The following KPNA6 variants were observed in gnomAD, a reference collection of about 807,000 sequenced individuals.
KPNA6 encodes karyopherin subunit alpha 6.
KPNA6 carries 9 observed loss-of-function variants against 72.0 expected under a neutral mutation model. The observed-to-expected ratio is 0.13, with a 90% CI of 0.08 to 0.22. The LOEUF is 0.22. Ranked by LOEUF, KPNA6 falls within the 10% of genes least tolerant of loss-of-function variation. KPNA6 has a pLI of 1.00. For missense variants in KPNA6, 374 were observed against 655.7 expected, an observed-to-expected ratio of 0.57 and a Z score of 4.69; for synonymous variants, 219 against 242.1, an observed-to-expected ratio of 0.90 and a Z score of 0.89.
rs71006334 is a variant in KPNA6 at position 32,141,375 on chromosome 1, C to CTTTTTTTTTTTTTTTTTTTTT, written c.5-13193_5-13173dup. ...AGGGCTTTTTTTTTTTAAGTTAATC[C>CTTTTTTTTTTTTTTTTTTTTT]TTTTTTTTTTTTTTTTTTTTTTTTT... On this transcript the variant is annotated intron_variant, in intron 1 of 13. Transcript: ENST00000373625. Among the ~76,000 whole-genome samples the CTTTTTTTTTTTTTTTTTTTTT allele has an allele frequency of 2.9e-4, 16 of 54,476 alleles. 6 individuals are homozygous for CTTTTTTTTTTTTTTTTTTTTT. Among genetic ancestry groups the CTTTTTTTTTTTTTTTTTTTTT allele is most frequent in the Middle Eastern group, 0.018 (1 of 56 alleles). The allele number at this position is 54,476 out of a possible 152,430, so 35.7% of individuals were successfully genotyped here. A position where few individuals can be genotyped will look rare whatever the true frequency, so the allele number is the denominator to read the frequency against.
rs1203773146 is a variant in KPNA6, at chr1:32,173,333, G to C, written c.*2439G>C. On this transcript the variant is annotated 3_prime_UTR_variant, in exon 14 of 14. Transcript: ENST00000373625. ...AGTGTAAGACATACACATCCTGCTT[G>C]TCCAGCTGTTCCTCCAAAATCTACT... The C allele has an allele frequency of 2.6e-6, 1 of 381,382 alleles. No individual in the cohort carries two copies. The highest frequency in any genetic ancestry group is 2.1e-5 in the African/African-American group (1 of 48,324). The allele number at this position is 381,382 out of a possible 1,614,324, so 23.6% of individuals were successfully genotyped here. A position where few individuals can be genotyped will look rare whatever the true frequency, so the allele number is the denominator to read the frequency against.
intron 2 of KPNA6, among the ~76,000 whole-genome samples, chr1:32,155,136 A>C (rs1311774301): frequency 7.3e-5 from 11 of 150,496 alleles, no homozygotes; most frequent in Non-Finnish European, 1.0e-4. Flanking sequence ...AAAAAAAAGA[A>C]AAGTAGCTTA....
At chr1:32,155,447 G>A (rs534237495) in intron 2 of KPNA6, among the ~76,000 whole-genome samples, 1 of 148,944 alleles carries the variant, frequency 6.7e-6, no homozygotes, top group African/African-American at 2.5e-5. Flanking sequence ...TTAGCCTCCC[G>A]AGTAGCTAGG....
intron 1 of KPNA6, among the ~76,000 whole-genome samples, chr1:32,129,514 G>A (rs16834892): frequency 0.093 from 14,185 of 151,746 alleles, 879 homozygotes; most frequent in South Asian, 0.25. Flanking sequence ...CTGCATATTA[G>A]TATTTGTATC....
At chr1:32,169,719 CAA>C (rs931996423) in intron 12 of KPNA6, among the ~76,000 whole-genome samples, 161 bp from the exon 13 acceptor site, 1 of 151,756 alleles carries the variant, frequency 6.6e-6, no homozygotes, top group African/African-American at 2.4e-5. Context: ...CTCAGCCTCC[CAA>C]AGTGCTGGGA....
intron 1 of KPNA6, among the ~76,000 whole-genome samples, chr1:32,109,923 G>A (rs892993343): frequency 5.3e-5 from 8 of 152,002 alleles, no homozygotes; most frequent in Admixed American, 5.3e-4. Context: ...CCAAAGTGCT[G>A]AGATTACAAG....
At chr1:32,162,104 T>TAAA (rs1227185037) in intron 8 of KPNA6, 58 bp downstream of exon 8, 1 of 1,377,794 alleles carries the variant, frequency 7.3e-7, no homozygotes, top group Non-Finnish European at 1.0e-6. Context: ...ATGGAGTTTT[T>TAAA]AAGTCTTTGG....
At chr1:32,137,609 G>C (rs1641756865) in intron 1 of KPNA6, among the ~76,000 whole-genome samples, 1 of 152,164 alleles carries the variant, frequency 6.6e-6, no homozygotes, top group African/African-American at 2.4e-5. Context: ...GAACATTTGA[G>C]GGCATGCTGT....
chr1:32,153,080 T>G (rs1217743902), intron 1 of KPNA6, among the ~76,000 whole-genome samples: 1 of 140,342 alleles, frequency 7.1e-6, no homozygotes, highest in Non-Finnish European at 1.6e-5. Flanking sequence ...ACAACTTAAA[T>G]TAGAAAAAAT....
intron 1 of KPNA6, among the ~76,000 whole-genome samples, chr1:32,132,898 G>A (rs545044424): frequency 5.2e-4 from 79 of 151,416 alleles, no homozygotes; most frequent in Admixed American, 2.6e-3. Flanking sequence ...GCGAGACTCC[G>A]TCTCAAAGAA....
chr1:32,115,783 G>A (rs1267790800), intron 1 of KPNA6, among the ~76,000 whole-genome samples: 3 of 151,422 alleles, frequency 2.0e-5, no homozygotes, highest in South Asian at 2.1e-4. Flanking sequence ...TCTCACTGTC[G>A]CCCAGGCTGG....
intron 1 of KPNA6, among the ~76,000 whole-genome samples, chr1:32,124,815 CTT>C (rs34523852): frequency 6.7e-6 from 1 of 148,244 alleles, no homozygotes; most frequent in African/African-American, 2.5e-5. Context: ...CCGGCCTCGT[CTT>C]TTTTTAAGAG....
intron 1 of KPNA6, among the ~76,000 whole-genome samples, chr1:32,127,221 T>G (rs931967250): frequency 6.6e-6 from 1 of 152,234 alleles, no homozygotes. Flanking sequence ...GGCTTGGAAC[T>G]CAGTTCACCT....
intron 1 of KPNA6, among the ~76,000 whole-genome samples, chr1:32,147,847 A>C (rs1641958281): frequency 6.6e-6 from 1 of 151,176 alleles, no homozygotes; most frequent in Non-Finnish European, 1.5e-5. Flanking sequence ...TTTTGTAGAG[A>C]CGGGGTTTTG....
At chr1:32,110,003 T>G (rs950028950) in intron 1 of KPNA6, among the ~76,000 whole-genome samples, 2 of 151,788 alleles carry the variant, frequency 1.3e-5, no homozygotes, top group Non-Finnish European at 2.9e-5. Flanking sequence ...CAGAGTGAAT[T>G]GATAACTCTA....
intron 1 of KPNA6, among the ~76,000 whole-genome samples, chr1:32,138,703 A>C (rs571786900): frequency 6.6e-6 from 1 of 152,138 alleles, no homozygotes; most frequent in East Asian, 1.9e-4. Flanking sequence ...AGAAACTTGA[A>C]GAGTGGTTGG....
chr1:32,137,178 T>C (rs1198199133), intron 1 of KPNA6, among the ~76,000 whole-genome samples: 1 of 151,950 alleles, frequency 6.6e-6, no homozygotes, highest in Non-Finnish European at 1.5e-5. Flanking sequence ...CTTCCCCCAC[T>C]TTTTTTTGTT....
At chr1:32,152,408 A>G (rs1394138781) in intron 1 of KPNA6, among the ~76,000 whole-genome samples, 2 of 152,250 alleles carry the variant, frequency 1.3e-5, no homozygotes, top group Non-Finnish European at 2.9e-5. Context: ...ATGCACAATA[A>G]TTTAAGAATA....
chr1:32,135,500 T>G (rs1641718537), intron 1 of KPNA6, among the ~76,000 whole-genome samples: 1 of 145,596 alleles, frequency 6.9e-6, no homozygotes, highest in African/African-American at 2.5e-5. Context: ...GCTTGGCCAT[T>G]TTTTTTTTTT....
Sources: gnomAD v4.1 joint callset for allele counts (sites outside exome capture counted in the v4.1 genomes callset) on GRCh38, gnomAD v4.1.1 for gene constraint, MANE v1.5 for transcripts, NCBI Gene and HGNC (gene_info 2026-07-23, HGNC 2026-07-21) for gene names.